The following SLCO5A1 variants were observed in gnomAD, a reference collection of about 807,000 sequenced individuals.
SLCO5A1 encodes the protein organic anion transporter polypeptide-related protein 4.
A neutral mutation model predicts 65.1 loss-of-function variants in SLCO5A1; 39 were observed. The observed-to-expected ratio is 0.60, with a 90% CI of 0.46 to 0.78. The LOEUF (loss-of-function observed/expected upper bound fraction) is 0.78. Among genes scored for constraint, SLCO5A1 ranks in the 30% least tolerant of loss-of-function variants. The pLI, the probability that SLCO5A1 is intolerant of heterozygous loss-of-function variation, is 0.00. For synonymous variants in SLCO5A1, 438 were observed against 415.7 expected (o/e 1.05, Z -0.65); for missense variants, 1,029 against 1,069.4 (o/e 0.96, Z 0.53).
intron 4 of SLCO5A1, among the ~76,000 whole-genome samples, chr8:69,745,001 A>T (rs13263918): frequency 0.012 from 1,758 of 152,356 alleles, 29 homozygotes; most frequent in Middle Eastern, 0.037. Flanking sequence ...GAAACAGAAA[A>T]TATACAATAT....
In SLCO5A1 at chr8:69,755,454, A is replaced by G. The variant is rs762364704; in HGVS notation, c.1228T>C (p.Ser410Pro). The G allele has an allele frequency of 5.0e-5, 81 of 1,613,864 alleles. No individual in the cohort carries two copies. The highest frequency in any genetic ancestry group is 6.6e-5 in the Non-Finnish European group (78 of 1,179,998). ...ACATCCTTTCCAAATCCCATCGAAG[A>G]AACTTTTTTGTCCGCTTGTTCACTG... The part of the protein sequence containing the change: ...NNSEQADKKV[S>P]SMGFGKDVRD... Residue 410 changes from serine to proline, a missense_variant, in exon 4 of 10, where the codon TCT becomes CCT. Ser to Pro is a moderately conservative substitution (Grantham distance 74). Transcript: ENST00000260126.
chr8:69,754,365 C>T (rs756540871), intron 4 of SLCO5A1, among the ~76,000 whole-genome samples: 1 of 152,152 alleles, frequency 6.6e-6, no homozygotes, highest in Non-Finnish European at 1.5e-5. Flanking sequence ...TAAAAATGGT[C>T]CAATCTAACT....
Position 69,778,043 on chromosome 8 carries a change from ATTG to A in SLCO5A1, c.908-16171_908-16169del, listed in dbSNP as rs142420545. Among the ~76,000 whole-genome samples, 448 of 152,254 alleles carry A rather than the reference ATTG, an allele frequency of 2.9e-3. 3 individuals are homozygous for A. Among genetic ancestry groups the A allele is most frequent in the African/African-American group, 0.01 (421 of 41,540 alleles). On this transcript the variant is annotated intron_variant, in intron 2 of 9. Coordinates refer to ENST00000260126, the MANE Select transcript of SLCO5A1 (RefSeq NM_030958.3). ...ATTCTTGCAATTGTTCCATTTTATT[ATTG>A]TTGTTGTTAATCTCCTACTGTGACT...
At position 69,810,062 on chromosome 8, in the gene SLCO5A1, T is replaced by C. The variant is rs371947975; in HGVS notation, c.907+21705A>G. On this transcript the variant is annotated intron_variant, in intron 2 of 9. Transcript: ENST00000260126. The stretch of plus-strand genomic sequence containing the variant: ...ATAGCTGTGTACAGCAAAGCACCAG[T>C]GCATGGCTTAAACATCTGATTTCCA... 4.6e-5 allele frequency among the ~76,000 whole-genome samples: 7 copies of C among 152,262 alleles called. No homozygotes were observed. The South Asian group carries it at 6.2e-4, about 14-fold the overall frequency.
At chr8:69,693,946 A>G (rs911207325) in intron 6 of SLCO5A1, among the ~76,000 whole-genome samples, 15 of 152,242 alleles carry the variant, frequency 9.9e-5, no homozygotes, top group African/African-American at 3.6e-4. Context: ...ATACTCAGAC[A>G]GCCAGTATGT....
intron 2 of SLCO5A1, among the ~76,000 whole-genome samples, chr8:69,829,413 GA>G (rs763702391): frequency 1.3e-5 from 2 of 152,232 alleles, no homozygotes; most frequent in Admixed American, 6.5e-5. Flanking sequence ...CTGGATTATA[GA>G]AGGCTAAAGT....
chr8:69,738,674 T>G (rs1232933505), intron 4 of SLCO5A1, among the ~76,000 whole-genome samples: 1 of 152,198 alleles, frequency 6.6e-6, no homozygotes, highest in Non-Finnish European at 1.5e-5. Flanking sequence ...CTACATGATG[T>G]TATACTTCTG....
rs1254534779 is a variant in SLCO5A1, at chr8:69,671,296, C to G, written c.*1573G>C. The G allele has an allele frequency of 6.6e-6, 1 of 152,222 alleles. No individual in the cohort carries two copies. Among genetic ancestry groups the G allele is most frequent in the African/African-American group, 2.4e-5 (1 of 41,452 alleles). 9.4% of individuals were successfully genotyped at this position (152,222 alleles called of 1,614,324 possible). Reference sequence around the variant, plus strand: ...TCAAGCAAGGTTGGAGAGCAGAAGCCTGAATCATGGAACAGTCTGTCAATC... The same window carrying G: ...TCAAGCAAGGTTGGAGAGCAGAAGCGTGAATCATGGAACAGTCTGTCAATC... On this transcript the variant is annotated 3_prime_UTR_variant, in exon 10 of 10. Transcript: ENST00000260126.
chr8:69,779,247 ATTAT>A (rs1818703245), intron 2 of SLCO5A1, among the ~76,000 whole-genome samples: 1 of 152,186 alleles, frequency 6.6e-6, no homozygotes, highest in East Asian at 1.9e-4. Flanking sequence ...GGTAGTTATA[ATTAT>A]TTAAGCTATG....
intron 5 of SLCO5A1, among the ~76,000 whole-genome samples, chr8:69,736,637 C>T (rs971677666): frequency 3.9e-5 from 6 of 152,222 alleles, no homozygotes; most frequent in Middle Eastern, 3.4e-3. Context: ...TAGTCTGAGT[C>T]GTCTTCTGGG....
rs1814796309 is a variant in SLCO5A1, at chr8:69,702,674, A to G, written c.1622+2357T>C. ...TGAAATCAAAGCTTTTGTTATTCAA[A>G]TGCAAAGTGGAACATTTTAGAACAT... On this transcript the variant is annotated intron_variant, in intron 6 of 9. Coordinates refer to ENST00000260126, the MANE Select transcript of SLCO5A1 (RefSeq NM_030958.3). Among the ~76,000 whole-genome samples the G allele has an allele frequency of 3.3e-5, 5 of 152,372 alleles. 1 individual carries two copies. The South Asian group carries it at 1.0e-3, about 32-fold the overall frequency.
At chr8:69,789,563 G>T (rs1250464931) in intron 2 of SLCO5A1, among the ~76,000 whole-genome samples, 1 of 152,098 alleles carries the variant, frequency 6.6e-6, no homozygotes, top group East Asian at 1.9e-4. Context: ...GCAGGTCAAA[G>T]AATTCAAAAC....
rs1233599785 is a variant in SLCO5A1, at chr8:69,783,773, T to C, written c.908-21898A>G. 3.9e-5 allele frequency among the ~76,000 whole-genome samples: 6 copies of C among 152,148 alleles called. No individual in the cohort carries two copies. The South Asian group carries it at 8.3e-4, about 21-fold the overall frequency. On this transcript the variant is annotated intron_variant, in intron 2 of 9. Coordinates refer to ENST00000260126, the MANE Select transcript of SLCO5A1 (RefSeq NM_030958.3). Reference sequence around the variant, plus strand: ...TGAGTGAAAAAGAGGGCCATGCCCCTTCCTAAAAAGAGTGTGTGACCTATA... The same window carrying C: ...TGAGTGAAAAAGAGGGCCATGCCCCCTCCTAAAAAGAGTGTGTGACCTATA...
At chr8:69,801,020 T>C (rs144001388) in intron 2 of SLCO5A1, among the ~76,000 whole-genome samples, 69 of 152,298 alleles carry the variant, frequency 4.5e-4, no homozygotes, top group African/African-American at 1.4e-3. Flanking sequence ...CCCTCATTCT[T>C]TCTTTAAACA....
At chr8:69,740,384 GA>G (rs1816744791) in intron 4 of SLCO5A1, among the ~76,000 whole-genome samples, 1 of 152,200 alleles carries the variant, frequency 6.6e-6, no homozygotes, top group African/African-American at 2.4e-5. Flanking sequence ...TGCCAAAGAA[GA>G]GAGTTACAAA....
chr8:69,714,518 CA>C (rs1003649180), intron 5 of SLCO5A1, among the ~76,000 whole-genome samples: 1 of 152,178 alleles, frequency 6.6e-6, no homozygotes, highest in African/African-American at 2.4e-5. Flanking sequence ...CCAGCTGTCT[CA>C]AGTTTTGCCC....
chr8:69,682,425 C>A, intron 6 of SLCO5A1, 82 bp from the exon 7 acceptor site: 1 of 1,315,108 alleles, frequency 7.6e-7, no homozygotes, highest in East Asian at 2.7e-5. Flanking sequence ...AATAATTTGT[C>A]CATTTTAGAG....
rs1382739563 is a variant in SLCO5A1, at chr8:69,668,164, A to T, written c.*4705T>A. 1 of 152,204 alleles carries T rather than the reference A, an allele frequency of 6.6e-6. No individual in the cohort carries two copies. Among genetic ancestry groups the T allele is most frequent in the East Asian group, 1.9e-4 (1 of 5,200 alleles). The allele number at this position is 152,204 out of a possible 1,614,324, so 9.4% of individuals were successfully genotyped here. Reference sequence around the variant, plus strand: ...AGTAAAACTGAAGTCTTTAAAATAAAACCTCCTCAAACATACACAGATCTG... The same window carrying T: ...AGTAAAACTGAAGTCTTTAAAATAATACCTCCTCAAACATACACAGATCTG... On this transcript the variant is annotated 3_prime_UTR_variant, in exon 10 of 10. Coordinates refer to ENST00000260126, the MANE Select transcript of SLCO5A1 (RefSeq NM_030958.3).
intron 2 of SLCO5A1, chr8:69,772,805 G>A (rs1818390243): frequency 5.1e-6 from 2 of 393,708 alleles, no homozygotes; most frequent in African/African-American, 4.4e-5. Flanking sequence ...AAAGGTCAGA[G>A]ATCACCCACT....
Sources: gnomAD v4.1 joint callset for allele counts (sites outside exome capture counted in the v4.1 genomes callset) on GRCh38, gnomAD v4.1.1 for gene constraint, MANE v1.5 for transcripts, NCBI Gene and HGNC (gene_info 2026-07-23, HGNC 2026-07-21) for gene names.